ARAP3: variants seen among roughly 807,000 people sequenced by gnomAD.
ARAP3 encodes the protein arf-GAP with Rho-GAP domain, ANK repeat and PH domain-containing protein 3.
Under a neutral mutation model 169.2 loss-of-function variants are expected in ARAP3, and 82 were observed. The ratio of observed to expected loss-of-function variants is 0.48; its 90% CI spans 0.41 to 0.58. The LOEUF is 0.58. Ranked by LOEUF, ARAP3 falls within the 20% of genes least tolerant of loss-of-function variation. The probability of loss-of-function intolerance (pLI) is 0.00; values close to 1 mark genes in which losing one functional copy is unlikely to be tolerated. For synonymous variants in ARAP3, 791 were observed against 800.3 expected, an observed-to-expected ratio of 0.99 and a Z score of 0.20; for missense variants, 1,764 against 2,018.0, an observed-to-expected ratio of 0.87 and a Z score of 2.41.
Position 141,662,240 on chromosome 5 carries a change from C to T in ARAP3, c.2816G>A (p.Gly939Asp), listed in dbSNP as rs746607535. The T allele has an allele frequency of 2.5e-6, 4 of 1,614,136 alleles. No homozygotes were observed. The highest frequency in any genetic ancestry group is 3.4e-6 in the Non-Finnish European group (4 of 1,180,030). ...ACGAGCGCCCCCTTTCCGGTATACA[C>T]CTTCCAGCCGGAGCCCTGAGGAGAG... ...FVTQHGLRLE[G>D]VYRKGGARAR... Residue 939 changes from glycine (G) to aspartate (D), a missense_variant, in exon 20 of 33, where the codon GGT becomes GAT. Gly to Asp is a moderately conservative substitution (Grantham distance 94). Coordinates refer to ENST00000239440, the MANE Select transcript of ARAP3 (RefSeq NM_022481.6).
At position 141,654,295 on chromosome 5, in the gene ARAP3, C is replaced by T; in HGVS notation, c.4290G>A (p.Glu1430=). 6.2e-7 allele frequency: 1 copy of T among 1,614,140 alleles called. No individual in the cohort carries two copies. The highest frequency in any genetic ancestry group is 1.1e-5 in the South Asian group (1 of 91,092). Residue 1430 remains glutamate (E), a synonymous_variant, in exon 33 of 33, where the codon GAG becomes GAA. Transcript: ENST00000239440. Reference sequence around the variant, plus strand: ...GGGGGTTCTCTGGCTTCACTGTCCACTCCCGTGTGGTGGAGAAGGAGGTAG... The same window carrying T: ...GGGGGTTCTCTGGCTTCACTGTCCATTCCCGTGTGGTGGAGAAGGAGGTAG... ...DTSTSFSTTR[E]WTVKPENPLT...
At chr5:141,673,205 C>T in intron 6 of ARAP3, 72 bp from the exon 7 acceptor site, 1 of 1,603,374 alleles carries the variant, frequency 6.2e-7, no homozygotes, top group Non-Finnish European at 8.5e-7. Context: ...GGGTCCTGCC[C>T]CAGATTTTAT....
intron 30 of ARAP3, 53 bp from the exon 31 acceptor site, chr5:141,655,811 G>T (rs2099909196): frequency 1.2e-6 from 2 of 1,614,148 alleles, no homozygotes; most frequent in Admixed American, 3.3e-5. Context: ...CACTGAGGAG[G>T]ACAGCTGGGC....
Position 141,673,106 on chromosome 5 carries a change from A to C in ARAP3, c.1000T>G (p.Leu334Val). 6.2e-7 allele frequency: 1 copy of C among 1,614,168 alleles called. No individual in the cohort carries two copies. Among genetic ancestry groups the C allele is most frequent in the Middle Eastern group, 1.6e-4 (1 of 6,062 alleles). The change falls in exon 7 of 33, where the codon TTG becomes GTG. Residue 334 changes from leucine to valine, a missense_variant. Coordinates refer to ENST00000239440, the MANE Select transcript of ARAP3 (RefSeq NM_022481.6). Reference protein sequence around the residue: ...KDPFPKGVIPLTAIEMTRSSK... With the variant: ...KDPFPKGVIPVTAIEMTRSSK... ...CTGCGGGTCATCTCAATGGCAGTCAAAGGTATCACACCCTTAGGGAAGGGG... is the reference window on the plus strand; with the variant it reads ...CTGCGGGTCATCTCAATGGCAGTCACAGGTATCACACCCTTAGGGAAGGGG...
chr5:141,655,737 C>A lies in ARAP3; in HGVS notation c.3994G>T (p.Val1332Phe). The part of the protein sequence containing the change: ...KAQHDDQQPV[V>F]LRRHSSSDLA... ...TCAGAGGAGGAATGGCGTCGTAAGA[C>A]CACTGGCTGCTGGTCATCGTGCTGG... Residue 1332 changes from valine (V) to phenylalanine (F), a missense_variant, in exon 31 of 33, where the codon GTC becomes TTC. By Grantham distance (50) the Val-to-Phe change is conservative. Around this residue, in one of 3 missense-constraint regions of ARAP3, gnomAD observed 1,112 missense variants for 1,285.7 expected, o/e 0.86. Transcript: ENST00000239440. The A allele has an allele frequency of 6.2e-7, 1 of 1,614,142 alleles. No homozygotes were observed. Among genetic ancestry groups the A allele is most frequent in the Non-Finnish European group, 8.5e-7 (1 of 1,180,016 alleles).
chr5:141,672,754 T>C lies in ARAP3; in HGVS notation c.1265A>G (p.Tyr422Cys). Residue 422 changes from tyrosine to cysteine, a missense_variant, in exon 8 of 33, where the codon TAC becomes TGC. Coordinates refer to ENST00000239440, the MANE Select transcript of ARAP3 (RefSeq NM_022481.6). The surrounding 1 kb of genome is among the most constrained non-coding windows in gnomAD (Gnocchi z 4.9). Reference protein sequence around the residue: ...AALSPGELALYKSEQAFSLGI... With the variant: ...AALSPGELALCKSEQAFSLGI... ...GGCTCTCCTCACCTGCTCACTCTTG[T>C]ACAGTGCCAGCTCTCCAGGGCTCAA... 6.2e-7 allele frequency: 1 copy of C among 1,613,076 alleles called. No individual in the cohort carries two copies.
intron 4 of ARAP3, among the ~76,000 whole-genome samples, chr5:141,676,379 A>G (rs977737702): frequency 6.6e-6 from 1 of 152,196 alleles, no homozygotes; most frequent in Admixed American, 6.5e-5. Flanking sequence ...TTCTTGACTC[A>G]GCTTCCTCTA....
rs1441967757 is a variant in ARAP3, at chr5:141,671,652, C to T, written c.1772G>A (p.Gly591Glu). The part of the protein sequence containing the change: ...LHPDATPGPR[G>E]EFISRKYRLG... ...ACGGTACTTTCGGGAGATGAACTCT[C>T]CCCGGGGGCCAGGGGTCGCATCTGG... Residue 591 changes from glycine (G) to glutamate (E), a missense_variant, in exon 12 of 33, where the codon GGA (glycine) becomes GAA (glutamate). Physicochemically the swap from Gly to Glu is moderately conservative, Grantham distance 98. Around this residue, in one of 3 missense-constraint regions of ARAP3, gnomAD observed 1,112 missense variants for 1,285.7 expected, o/e 0.86. Coordinates refer to ENST00000239440, the MANE Select transcript of ARAP3 (RefSeq NM_022481.6). This position sits in a 1 kb window ranked among gnomAD's most constrained non-coding sequence, Gnocchi z 4.9. The T allele has an allele frequency of 6.2e-7, 1 of 1,614,016 alleles. No homozygotes were observed. Among genetic ancestry groups the T allele is most frequent in the Non-Finnish European group, 8.5e-7 (1 of 1,179,940 alleles).
intron 4 of ARAP3, among the ~76,000 whole-genome samples, chr5:141,677,148 A>C (rs903477175): frequency 6.6e-6 from 1 of 152,234 alleles, no homozygotes; most frequent in African/African-American, 2.4e-5. Flanking sequence ...TTTTAATAAT[A>C]TATTTTATTT....
Position 141,679,667 on chromosome 5 carries a change from G to C in ARAP3, c.587-11C>G. On this transcript the variant is annotated splice_polypyrimidine_tract_variant and intron_variant, in intron 3 of 32. Transcript: ENST00000239440. Reference sequence around the variant, plus strand: ...GATCCATGATGTGCACTGGCAGGAGGAGAGGGGAACGCACAAGGAAGAGGA... The same window carrying C: ...GATCCATGATGTGCACTGGCAGGAGCAGAGGGGAACGCACAAGGAAGAGGA... 1.2e-6 allele frequency: 2 copies of C among 1,614,044 alleles called. No individual in the cohort carries two copies. The highest frequency in any genetic ancestry group is 8.5e-7 in the Non-Finnish European group (1 of 1,179,934).
rs753462754 is a variant in ARAP3 at position 141,655,707 on chromosome 5, C to T, written c.4024G>A (p.Ala1342Thr). The T allele has an allele frequency of 1.1e-5, 17 of 1,614,162 alleles. No individual in the cohort carries two copies. In the Admixed American group the frequency reaches 2.8e-4, roughly 27 times the overall value. Reference sequence around the variant, plus strand: ...GGCATAGTGCCAAACTTCTGACGGGCAAGGTCAGAGGAGGAATGGCGTCGT... The same window carrying T: ...GGCATAGTGCCAAACTTCTGACGGGTAAGGTCAGAGGAGGAATGGCGTCGT... ...VLRRHSSSDL[A>T]RQKFGTMPLL... Residue 1342 changes from alanine to threonine, a missense_variant, in exon 31 of 33, where the codon GCC (alanine) becomes ACC (threonine). This residue lies in a region of ARAP3 where 1,112 missense variants were observed against 1,285.7 expected (regional missense o/e 0.86). Coordinates refer to ENST00000239440, the MANE Select transcript of ARAP3 (RefSeq NM_022481.6).
chr5:141,668,680 T>C (rs2099911017), intron 16 of ARAP3, among the ~76,000 whole-genome samples: 1 of 152,088 alleles, frequency 6.6e-6, no homozygotes, highest in Non-Finnish European at 1.5e-5. Context: ...AATGTGTTAG[T>C]GTGAGGAGTT....
At chr5:141,678,967 T>C (rs2099912594) in intron 4 of ARAP3, among the ~76,000 whole-genome samples, 1 of 152,226 alleles carries the variant, frequency 6.6e-6, no homozygotes. Context: ...AGTTGCTCAA[T>C]AAATATTTGT....
At chr5:141,678,043 G>C (rs1477548593) in intron 4 of ARAP3, among the ~76,000 whole-genome samples, 6 of 151,830 alleles carry the variant, frequency 4.0e-5, no homozygotes, top group Non-Finnish European at 7.4e-5. Context: ...CGCCTCCCGG[G>C]TTCACGCCAT....
At chr5:141,680,582 T>TG in intron 1 of ARAP3, 79 bp from the exon 2 acceptor site, 1 of 1,451,576 alleles carries the variant, frequency 6.9e-7, no homozygotes, top group East Asian at 2.4e-5. Context: ...GCCTGGACAG[T>TG]GAGCACCAGC....
At chr5:141,674,279 C>A (rs1232344852) in intron 4 of ARAP3, among the ~76,000 whole-genome samples, 10 of 147,234 alleles carry the variant, frequency 6.8e-5, no homozygotes, top group Admixed American at 6.7e-4. Flanking sequence ...GAGACAGGGT[C>A]TCTCTCTCTC....
At chr5:141,666,031 T>C (rs2099910579) in intron 17 of ARAP3, among the ~76,000 whole-genome samples, 1 of 137,240 alleles carries the variant, frequency 7.3e-6, no homozygotes, top group Non-Finnish European at 1.5e-5. Context: ...AGAGCGTGAC[T>C]CTGTCTCCAA....
chr5:141,670,749 A>T (rs1318220096), intron 13 of ARAP3, 121 bp from the exon 14 acceptor site: 1 of 785,760 alleles, frequency 1.3e-6, no homozygotes, highest in East Asian at 2.7e-5. Flanking sequence ...AGCACAGCCA[A>T]GTAGAGCCCA....
intron 4 of ARAP3, among the ~76,000 whole-genome samples, chr5:141,678,069 C>G (rs910792111): frequency 1.3e-5 from 2 of 152,076 alleles, no homozygotes; most frequent in African/African-American, 4.8e-5. Context: ...GCCTCAGCCT[C>G]CTGAGTAGCT....
Sources: allele counts gnomAD v4.1 joint callset (sites outside exome capture counted in the v4.1 genomes callset), GRCh38; gene constraint gnomAD v4.1.1; regional missense constraint gnomAD v4.1.1; non-coding constraint Gnocchi (gnomAD v3.1); transcripts MANE v1.5; gene names NCBI Gene and HGNC (gene_info 2026-07-23, HGNC 2026-07-21).